RANBP17: variants seen among roughly 807,000 people sequenced by gnomAD.
The protein encoded by RANBP17 is ran-binding protein 17.
Under a neutral mutation model 141.2 loss-of-function variants are expected in RANBP17, and 158 were observed. That is an observed-to-expected ratio of 1.12 (90% CI 0.98 to 1.28). RANBP17 has a LOEUF of 1.28. Ranked by LOEUF, RANBP17 falls within the 50% of genes most tolerant of loss-of-function variation. RANBP17 has a pLI of 0.00. For synonymous variants in RANBP17, 430 were observed against 450.0 expected (o/e 0.96, Z 0.56); for missense variants, 1,438 against 1,290.7 (o/e 1.11, Z -1.75).
Position 171,125,158 on chromosome 5 carries a change from G to A in RANBP17, c.1711-44972G>A, listed in dbSNP as rs570279370. Among the ~76,000 whole-genome samples the A allele has an allele frequency of 5.1e-4, 77 of 152,154 alleles. 2 individuals carry two copies. In the South Asian group the frequency reaches 0.014, roughly 27 times the overall value. On this transcript the variant is annotated intron_variant, in intron 14 of 27. Transcript: ENST00000523189. ...GAAAAAATACAAAAATTAGCCAGGC[G>A]TGGTGGCAGATGCCTATAATCCCAC... is the stretch of plus-strand genomic sequence containing the variant.
intron 14 of RANBP17, among the ~76,000 whole-genome samples, chr5:171,129,723 A>G (rs1399700959): frequency 6.6e-6 from 1 of 152,334 alleles, no homozygotes; most frequent in African/African-American, 2.4e-5. Flanking sequence ...CTTCATGACA[A>G]TCTAAGAAAT....
chr5:171,155,594 CA>C (rs1758844492), intron 14 of RANBP17, among the ~76,000 whole-genome samples: 1 of 151,984 alleles, frequency 6.6e-6, no homozygotes, highest in South Asian at 2.1e-4. Context: ...GTGAACCCTT[CA>C]AAAAAGATAA....
chr5:171,053,916 T>A (rs935540121), intron 14 of RANBP17, among the ~76,000 whole-genome samples: 1 of 112,676 alleles, frequency 8.9e-6, no homozygotes, highest in African/African-American at 3.4e-5. Flanking sequence ...TATATATATA[T>A]ATATATATAA....
chr5:170,888,511 A>G (rs888980712), intron 3 of RANBP17, among the ~76,000 whole-genome samples: 10 of 152,140 alleles, frequency 6.6e-5, no homozygotes, highest in African/African-American at 2.4e-4. Flanking sequence ...TTTTATTTCA[A>G]GTTCCAGTTG....
chr5:171,001,787 C>T (rs549175666), intron 14 of RANBP17, among the ~76,000 whole-genome samples: 66 of 152,084 alleles, frequency 4.3e-4, no homozygotes, highest in African/African-American at 1.5e-3. Context: ...ATGGCCAGTC[C>T]GTTATTGGAC....
chr5:170,945,044 C>T (rs764092077), intron 12 of RANBP17, among the ~76,000 whole-genome samples: 1 of 152,158 alleles, frequency 6.6e-6, no homozygotes, highest in Non-Finnish European at 1.5e-5. Context: ...CTTTCCCATA[C>T]ATTTGTGTAT....
At chr5:171,203,514 T>G (rs1361009540) in intron 19 of RANBP17, among the ~76,000 whole-genome samples, 1 of 152,178 alleles carries the variant, frequency 6.6e-6, no homozygotes, top group Non-Finnish European at 1.5e-5. Flanking sequence ...TTGAATTCAT[T>G]TAAAACATTA....
At chr5:171,004,297 G>C (rs1294598608) in intron 14 of RANBP17, among the ~76,000 whole-genome samples, 1 of 152,130 alleles carries the variant, frequency 6.6e-6, no homozygotes, top group African/African-American at 2.4e-5. Context: ...AAGAAGGGTG[G>C]CAATGAGATG....
intron 19 of RANBP17, among the ~76,000 whole-genome samples, chr5:171,201,636 A>G (rs889559172): frequency 6.6e-6 from 1 of 152,278 alleles, no homozygotes; most frequent in African/African-American, 2.4e-5. Context: ...GTGATTAAAT[A>G]TGCAGCTTGG....
intron 14 of RANBP17, among the ~76,000 whole-genome samples, chr5:171,026,323 T>A (rs1020409207): frequency 5.9e-5 from 9 of 152,214 alleles, no homozygotes; most frequent in Middle Eastern, 3.2e-3. Context: ...TCAGAGAAGG[T>A]ATTTCACTTG....
intron 5 of RANBP17, chr5:170,897,392 G>A (rs1309894148): frequency 2.3e-6 from 1 of 429,936 alleles, no homozygotes; most frequent in Non-Finnish European, 4.4e-6. Context: ...TTGCGCGTAT[G>A]TGTACGTACA....
At chr5:171,031,548 T>G (rs1421954351) in intron 14 of RANBP17, among the ~76,000 whole-genome samples, 3 of 152,046 alleles carry the variant, frequency 2.0e-5, no homozygotes, top group Non-Finnish European at 4.4e-5. Flanking sequence ...CATTCTCCCT[T>G]TCCAGTTAGG....
chr5:171,181,524 A>T (rs1760861907), intron 16 of RANBP17, among the ~76,000 whole-genome samples: 1 of 152,056 alleles, frequency 6.6e-6, no homozygotes, highest in Admixed American at 6.6e-5. Context: ...AAATCCATGG[A>T]TGTAGTCCCT....
chr5:171,038,778 T>C (rs1375674368), intron 14 of RANBP17, among the ~76,000 whole-genome samples: 3 of 152,206 alleles, frequency 2.0e-5, no homozygotes, highest in Non-Finnish European at 2.9e-5. Flanking sequence ...GATTTGCATA[T>C]GTTGAACCAA....
At chr5:170,967,071 C>T (rs925182481) in intron 13 of RANBP17, among the ~76,000 whole-genome samples, 3 of 152,136 alleles carry the variant, frequency 2.0e-5, no homozygotes, top group African/African-American at 4.8e-5. Context: ...AAGAACATTC[C>T]ATGCTCATAT....
rs201258697 is a variant in RANBP17, at chr5:171,215,775, G to T, written c.2339+2037G>T. Among the ~76,000 whole-genome samples the T allele has an allele frequency of 6.7e-5, 10 of 150,256 alleles. No homozygotes were observed. In the East Asian group the frequency reaches 2.1e-3, roughly 31 times the overall value. The stretch of plus-strand genomic sequence containing the variant: ...TTGTTTGTTTTTTTCTTGTAAATTT[G>T]TTTAAGTTCCTTGTAGATTCTGGAT... On this transcript the variant is annotated intron_variant, in intron 21 of 27. Transcript: ENST00000523189.
At chr5:170,922,976 T>C (rs2127443585) in intron 11 of RANBP17, among the ~76,000 whole-genome samples, 1 of 152,016 alleles carries the variant, frequency 6.6e-6, no homozygotes, top group Middle Eastern at 3.4e-3. Flanking sequence ...TTCATTTTCT[T>C]AGCAGAGTCC....
intron 22 of RANBP17, among the ~76,000 whole-genome samples, chr5:171,227,041 A>C (rs1451831813): frequency 6.6e-6 from 1 of 152,102 alleles, no homozygotes; most frequent in East Asian, 1.9e-4. Context: ...CCCACTCCCT[A>C]TTCTCTGACA....
intron 14 of RANBP17, among the ~76,000 whole-genome samples, chr5:171,047,426 C>CT (rs371071471): frequency 0.018 from 2,418 of 134,368 alleles, 61 homozygotes; most frequent in African/African-American, 0.058. Flanking sequence ...AGTCTTAACC[C>CT]TTTTTTTTTT....
Sources: allele counts gnomAD v4.1 joint callset (sites outside exome capture counted in the v4.1 genomes callset), GRCh38; gene constraint gnomAD v4.1.1; transcripts MANE v1.5; gene names NCBI Gene and HGNC (gene_info 2026-07-23, HGNC 2026-07-21).